The following SLC22A2 variants were observed in gnomAD, a reference collection of about 807,000 sequenced individuals.
The protein encoded by SLC22A2 is organic cation transporter 2.
Under a neutral mutation model 60.5 loss-of-function variants are expected in SLC22A2, and 46 were observed. The observed-to-expected ratio is 0.76, with a 90% CI of 0.60 to 0.97. SLC22A2 has a LOEUF of 0.97. Among genes scored for constraint, SLC22A2 ranks in the 50% least tolerant of loss-of-function variants. The pLI is 0.00. For synonymous variants in SLC22A2, 303 were observed against 267.0 expected, an observed-to-expected ratio of 1.13 and a Z score of -1.31; for missense variants, 701 against 706.6, an observed-to-expected ratio of 0.99 and a Z score of 0.09.
chr6:160,256,782 G>T, intron 1 of SLC22A2, 65 bp from the exon 2 acceptor site: 1 of 1,089,208 alleles, frequency 9.2e-7, no homozygotes, highest in Non-Finnish European at 1.4e-6. Flanking sequence ...TTAGAATCCT[G>T]TTGGACATAA....
rs572462923 is a variant in SLC22A2 at position 160,230,039 on chromosome 6, C to T, written c.1502-5235G>A. ...CATCCCAAATCTTGCTTCTTTCCCT[C>T]CTGCCTGTTCTCTCAGTCCCAACCC... On this transcript the variant is annotated intron_variant, in intron 9 of 10. Coordinates refer to ENST00000366953, the MANE Select transcript of SLC22A2 (RefSeq NM_003058.4). 2.6e-5 allele frequency among the ~76,000 whole-genome samples: 4 copies of T among 151,954 alleles called. No individual in the cohort carries two copies. In the South Asian group the frequency reaches 6.2e-4, roughly 24 times the overall value.
intron 2 of SLC22A2, 115 bp from the exon 3 acceptor site, chr6:160,250,817 T>G (rs1783173882): frequency 9.2e-7 from 1 of 1,090,748 alleles, no homozygotes; most frequent in Non-Finnish European, 1.3e-6. Flanking sequence ...CTTTAAATTT[T>G]ATGAATCCAG....
At chr6:160,218,936 G>GTATCACAATTAACAA (rs1562428591) in intron 10 of SLC22A2, among the ~76,000 whole-genome samples, 5 of 10,248 alleles carry the variant, frequency 4.9e-4, no homozygotes, top group Non-Finnish European at 6.7e-4. Flanking sequence ...AACAGAAGTA[G>GTATCACAATTAACAA]CAGTAGTAAT....
chr6:160,233,462 C>A (rs903127712), intron 9 of SLC22A2, among the ~76,000 whole-genome samples: 3 of 151,766 alleles, frequency 2.0e-5, no homozygotes, highest in African/African-American at 7.3e-5. Flanking sequence ...TAAAAACACA[C>A]CTCACGAAGC....
At chr6:160,223,664 G>A (rs921299085) in intron 10 of SLC22A2, among the ~76,000 whole-genome samples, 1 of 152,146 alleles carries the variant, frequency 6.6e-6, no homozygotes, top group African/African-American at 2.4e-5. Flanking sequence ...CTTTGTACAC[G>A]TAAACTTCTA....
At chr6:160,253,565 C>G (rs1783221462) in intron 2 of SLC22A2, among the ~76,000 whole-genome samples, 1 of 152,200 alleles carries the variant, frequency 6.6e-6, no homozygotes, top group African/African-American at 2.4e-5. Flanking sequence ...TCACTTTGAT[C>G]TAGTTCCATC....
At position 160,258,569 on chromosome 6, in the gene SLC22A2, G is replaced by A. The variant is rs755317730; in HGVS notation, c.189C>T (p.Cys63=). 1.9e-6 allele frequency: 3 copies of A among 1,613,770 alleles called. No individual in the cohort carries two copies. The South Asian group carries it at 3.3e-5, about 18-fold the overall frequency. ...SPGVAELSLR[C]GWSPAEELNY... ...TCAGTTCCTCTGCAGGACTCCAGCCGCAGCGCAGACTCAGCTCGGCCACTC... is the reference window on the plus strand; with the variant it reads ...TCAGTTCCTCTGCAGGACTCCAGCCACAGCGCAGACTCAGCTCGGCCACTC... Residue 63 remains cysteine (C), a synonymous_variant, in exon 1 of 11, where the codon TGC becomes TGT. Coordinates refer to ENST00000366953, the MANE Select transcript of SLC22A2 (RefSeq NM_003058.4).
At chr6:160,224,607 G>A (rs1466496253) in intron 10 of SLC22A2, 98 bp downstream of exon 10, 29 of 558,180 alleles carry the variant, frequency 5.2e-5, no homozygotes, top group Non-Finnish European at 7.3e-5. Flanking sequence ...CTCAGTGTAT[G>A]GTGTGAAGTA....
Position 160,243,580 on chromosome 6 carries a change from A to G in SLC22A2, c.1271T>C (p.Ile424Thr). 1 of 1,613,324 alleles carries G rather than the reference A, an allele frequency of 6.2e-7. No individual in the cohort carries two copies. Among genetic ancestry groups the G allele is most frequent in the East Asian group, 2.2e-5 (1 of 44,876 alleles). Residue 424 changes from isoleucine to threonine, a missense_variant, in exon 7 of 11, where the codon ATA becomes ACA. Coordinates refer to ENST00000366953, the MANE Select transcript of SLC22A2 (RefSeq NM_003058.4). The stretch of plus-strand genomic sequence containing the variant: ...CTTCACCTGAAACTTACCACCAGGT[A>G]TAAAAACTGAGGCCAGACAGGCTGC... ...AGAACLASVF[I>T]PGDLQWLKII... is the part of the protein sequence containing the mutation.
At chr6:160,249,910 G>T (rs564253889) in intron 3 of SLC22A2, among the ~76,000 whole-genome samples, 2 of 152,234 alleles carry the variant, frequency 1.3e-5, no homozygotes, top group Admixed American at 6.5e-5. Flanking sequence ...ACATGCTGGG[G>T]AATTTTACAA....
chr6:160,257,727 A>G (rs1464016277), intron 1 of SLC22A2: 2 of 152,162 alleles, frequency 1.3e-5, no homozygotes, highest in African/African-American at 4.8e-5. Flanking sequence ...TGCTTTCAAT[A>G]AAAGCAAGCT....
chr6:160,233,016 G>A (rs112334113), intron 9 of SLC22A2, among the ~76,000 whole-genome samples: 241 of 17,700 alleles, frequency 0.014, 3 homozygotes, highest in African/African-American at 0.018. Context: ...CCTTTCCATC[G>A]TGGAAATCTA....
intron 2 of SLC22A2, among the ~76,000 whole-genome samples, chr6:160,255,209 G>A (rs1177716194): frequency 6.6e-6 from 1 of 152,216 alleles, no homozygotes; most frequent in Non-Finnish European, 1.5e-5. Flanking sequence ...GAAGAGCCTT[G>A]TCAGGGCAGC....
intron 9 of SLC22A2, among the ~76,000 whole-genome samples, chr6:160,241,087 G>T (rs906898986): frequency 1.3e-5 from 2 of 152,172 alleles, no homozygotes; most frequent in Non-Finnish European, 2.9e-5. Flanking sequence ...GGGCATGGAG[G>T]AGTTAACTCT....
At chr6:160,247,347 C>T in intron 4 of SLC22A2, 49 bp from the exon 5 acceptor site, 1 of 935,788 alleles carries the variant, frequency 1.1e-6, no homozygotes, top group Non-Finnish European at 1.8e-6. Context: ...TCCTCCTTAC[C>T]CCATCCCCCA....
intron 9 of SLC22A2, among the ~76,000 whole-genome samples, chr6:160,233,261 G>C (rs531055528): frequency 1.1e-4 from 16 of 151,782 alleles, no homozygotes; most frequent in Non-Finnish European, 1.9e-4. Flanking sequence ...AGGCCACCAT[G>C]GTCATTTCTT....
chr6:160,258,392 GC>G lies in SLC22A2; in HGVS notation c.365del (p.Cys122SerfsTer35). On this transcript the variant is annotated frameshift_variant, in exon 1 of 11. Coordinates refer to ENST00000366953, the MANE Select transcript of SLC22A2 (RefSeq NM_003058.4). LOFTEE classifies it high-confidence loss of function. Reference sequence around the variant, plus strand: ...GCGTCTCGTACACCCAGCCGTCCCGGCAGGGGCCCAGTGGCAGGCGGCTCCT... The same window carrying G: ...GCGTCTCGTACACCCAGCCGTCCCGGAGGGGCCCAGTGGCAGGCGGCTCCT... ...TNRSRLPLGP[C>X]RDGWVYETPG... The G allele has an allele frequency of 6.2e-7, 1 of 1,613,832 alleles. No individual in the cohort carries two copies. Among genetic ancestry groups the G allele is most frequent in the Non-Finnish European group, 8.5e-7 (1 of 1,179,932 alleles).
chr6:160,223,074 T>G (rs1352070777), intron 10 of SLC22A2, among the ~76,000 whole-genome samples: 1 of 152,246 alleles, frequency 6.6e-6, no homozygotes, highest in Admixed American at 6.5e-5. Context: ...GTACTGAAAA[T>G]GTTAAACATG....
intron 3 of SLC22A2, 99 bp downstream of exon 3, chr6:160,250,449 T>G: frequency 9.1e-7 from 1 of 1,100,406 alleles, no homozygotes; most frequent in South Asian, 1.3e-5. Context: ...AATATTGTCT[T>G]GAAGCTGGGT....
Sources: allele counts gnomAD v4.1 joint callset (sites outside exome capture counted in the v4.1 genomes callset), GRCh38; gene constraint gnomAD v4.1.1; transcripts MANE v1.5; gene names NCBI Gene and HGNC (gene_info 2026-07-23, HGNC 2026-07-21).